Variants in PARD3 observed in about 807,000 individuals in gnomAD.
The protein encoded by PARD3 is partitioning defective 3 homolog.
Under a neutral mutation model 155.4 loss-of-function variants are expected in PARD3, and 75 were observed. The ratio of observed to expected loss-of-function variants is 0.48; its 90% CI spans 0.40 to 0.58. PARD3 has a LOEUF of 0.58. Among genes scored for constraint, PARD3 ranks in the 20% least tolerant of loss-of-function variants. The pLI is 0.00. For missense variants in PARD3, 1,642 were observed against 1,721.7 expected (o/e 0.95, Z 0.82); for synonymous variants, 576 against 610.5 (o/e 0.94, Z 0.83).
chr10:34,538,605 G>A (rs555407096), intron 2 of PARD3, among the ~76,000 whole-genome samples: 9 of 152,310 alleles, frequency 5.9e-5, no homozygotes, highest in Admixed American at 1.3e-4. Context: ...GTATGTGCTC[G>A]GGGGCTGCAC....
At chr10:34,327,754 G>T (rs994501032) in intron 19 of PARD3, among the ~76,000 whole-genome samples, 1 of 152,034 alleles carries the variant, frequency 6.6e-6, no homozygotes, top group Non-Finnish European at 1.5e-5. Flanking sequence ...CCTAGACGAG[G>T]GTCCTCTTTT....
chr10:34,224,321 G>T (rs58321884), intron 22 of PARD3, among the ~76,000 whole-genome samples: 19 of 152,358 alleles, frequency 1.2e-4, no homozygotes, highest in South Asian at 6.2e-4. Flanking sequence ...AGATTTTGCA[G>T]AGGTACATGG....
intron 2 of PARD3, among the ~76,000 whole-genome samples, chr10:34,529,282 C>CAAGA (rs2133780469): frequency 6.6e-6 from 1 of 152,240 alleles, no homozygotes; most frequent in Admixed American, 6.5e-5. Flanking sequence ...ATTGCAGGTT[C>CAAGA]CTCTTCCCTT....
chr10:34,345,228 C>T (rs1056645047), intron 15 of PARD3: 4 of 984,450 alleles, frequency 4.1e-6, no homozygotes, highest in Non-Finnish European at 4.8e-6. Context: ...TGACTGATGA[C>T]ATCTGACATC....
At position 34,289,472 on chromosome 10, in the gene PARD3, G is replaced by C. The variant is rs1431497907; in HGVS notation, c.3066-5227C>G. 2.6e-5 allele frequency among the ~76,000 whole-genome samples: 4 copies of C among 151,988 alleles called. No homozygotes were observed. In the East Asian group the frequency reaches 7.7e-4, roughly 29 times the overall value. On this transcript the variant is annotated intron_variant, in intron 20 of 24. Transcript: ENST00000374788. ...CCCAAAGTGCTGGGACTACAGGCGT[G>C]AGCCACTGCATCTGGCCAGATCTTA...
intron 1 of PARD3, among the ~76,000 whole-genome samples, chr10:34,798,984 C>T (rs1177551823): frequency 1.3e-5 from 2 of 152,180 alleles, no homozygotes; most frequent in East Asian, 3.9e-4. Context: ...ACCCAGAGAC[C>T]TCACCCCCTT....
At chr10:34,792,538 G>C (rs1841782231) in intron 1 of PARD3, among the ~76,000 whole-genome samples, 1 of 152,168 alleles carries the variant, frequency 6.6e-6, no homozygotes, top group South Asian at 2.1e-4. Flanking sequence ...GAGTCACAAA[G>C]CCAGGAGTAT....
At chr10:34,786,762 C>T (rs1841007585) in intron 1 of PARD3, among the ~76,000 whole-genome samples, 1 of 152,180 alleles carries the variant, frequency 6.6e-6, no homozygotes, top group Admixed American at 6.5e-5. Flanking sequence ...TTACTGCTTA[C>T]TAGGGGCCTT....
chr10:34,413,955 G>C (rs978299103), intron 5 of PARD3, among the ~76,000 whole-genome samples: 1 of 152,132 alleles, frequency 6.6e-6, no homozygotes, highest in Non-Finnish European at 1.5e-5. Flanking sequence ...AATAGTTAAC[G>C]ATCTCATTTC....
intron 2 of PARD3, among the ~76,000 whole-genome samples, chr10:34,520,759 G>A (rs1246690142): frequency 6.6e-6 from 1 of 152,092 alleles, no homozygotes; most frequent in Non-Finnish European, 1.5e-5. Context: ...TTTGGCCCAT[G>A]GTCCCTAGTT....
intron 22 of PARD3, among the ~76,000 whole-genome samples, chr10:34,204,475 AC>A (rs2133359588): frequency 6.6e-6 from 1 of 152,030 alleles, no homozygotes; most frequent in South Asian, 2.1e-4. Context: ...TTCACTTAAC[AC>A]CCTCCCCTTA....
intron 22 of PARD3, among the ~76,000 whole-genome samples, chr10:34,179,710 C>CA (rs1950188527): frequency 1.3e-5 from 2 of 152,142 alleles, no homozygotes; most frequent in Non-Finnish European, 2.9e-5. Flanking sequence ...ACACAACATG[C>CA]ATATTCAGGT....
Position 34,596,456 on chromosome 10 carries a change from G to A in PARD3, c.223-79297C>T, listed in dbSNP as rs191585125. The stretch of plus-strand genomic sequence containing the variant: ...GACTCAGCAAGCTTACAATCATGGC[G>A]GAAGGCACCTCTTCACAAGATAGCA... On this transcript the variant is annotated intron_variant, in intron 2 of 24. Transcript: ENST00000374788. 3.1e-3 allele frequency among the ~76,000 whole-genome samples: 471 copies of A among 152,216 alleles called. 3 individuals are homozygous for A. The highest frequency in any genetic ancestry group is 0.011 in the African/African-American group (439 of 41,540).
intron 2 of PARD3, among the ~76,000 whole-genome samples, chr10:34,688,683 T>TGGTA (rs1590657254): frequency 1.3e-5 from 2 of 152,056 alleles, no homozygotes; most frequent in Admixed American, 1.3e-4. Context: ...TTTGAACAAA[T>TGGTA]TTGGGTAAAT....
At chr10:34,685,328 A>G (rs904153626) in intron 2 of PARD3, among the ~76,000 whole-genome samples, 1 of 152,170 alleles carries the variant, frequency 6.6e-6, no homozygotes, top group Non-Finnish European at 1.5e-5. Flanking sequence ...TTTCCCCAAG[A>G]TGGAAAGATT....
intron 22 of PARD3, among the ~76,000 whole-genome samples, chr10:34,152,356 G>C (rs1249022050): frequency 6.6e-6 from 1 of 152,206 alleles, no homozygotes; most frequent in Admixed American, 6.5e-5. Context: ...CTACTACCCA[G>C]CTAGGCTGTA....
chr10:34,721,354 C>A (rs558357499), intron 1 of PARD3, among the ~76,000 whole-genome samples: 2 of 152,138 alleles, frequency 1.3e-5, no homozygotes, highest in Non-Finnish European at 2.9e-5. Flanking sequence ...GCGAACAGGG[C>A]GTAAAGTAAG....
At chr10:34,360,386 G>T (rs1332012757) in intron 12 of PARD3, 127 bp from the exon 13 acceptor site, 3 of 631,438 alleles carry the variant, frequency 4.8e-6, no homozygotes, top group Non-Finnish European at 8.2e-6. Flanking sequence ...AGGTTCCACA[G>T]CAAGATCCAT....
chr10:34,317,930 A>C (rs530772220), intron 19 of PARD3, among the ~76,000 whole-genome samples: 1 of 152,344 alleles, frequency 6.6e-6, no homozygotes, highest in South Asian at 2.1e-4. Flanking sequence ...TCTTCTTTGC[A>C]TAAGGCCAAC....
Sources: allele counts gnomAD v4.1 joint callset (sites outside exome capture counted in the v4.1 genomes callset), GRCh38; gene constraint gnomAD v4.1.1; transcripts MANE v1.5; gene names NCBI Gene and HGNC (gene_info 2026-07-23, HGNC 2026-07-21).